The following KCTD15 variants were observed in gnomAD, a reference collection of about 807,000 sequenced individuals.
The protein encoded by KCTD15 is potassium channel tetramerization domain containing 15.
A neutral mutation model predicts 27.2 loss-of-function variants in KCTD15; 11 were observed. That is an observed-to-expected ratio of 0.41 (90% CI 0.25 to 0.67). The LOEUF is 0.67. KCTD15 is among the 30% of genes least tolerant of loss of function. The pLI, the probability that KCTD15 is intolerant of heterozygous loss-of-function variation, is 0.35. For missense variants in KCTD15, 350 were observed against 409.3 expected (o/e 0.86, Z 1.25); for synonymous variants, 163 against 176.0 (o/e 0.93, Z 0.58).
chr19:33,806,631 C>T (rs1344884513), intron 4 of KCTD15, among the ~76,000 whole-genome samples: 1 of 152,122 alleles, frequency 6.6e-6, no homozygotes, highest in Non-Finnish European at 1.5e-5. Context: ...GTGTCCCTCT[C>T]TGGCTGTGAC....
chr19:33,802,383 C>T (rs114008650), intron 4 of KCTD15, among the ~76,000 whole-genome samples: 293 of 152,268 alleles, frequency 1.9e-3, no homozygotes, highest in African/African-American at 6.9e-3. Flanking sequence ...GCATTGTCAC[C>T]GGTGTGGTTC....
chr19:33,800,661 A>G, intron 3 of KCTD15, 141 bp downstream of exon 3: 3 of 749,938 alleles, frequency 4.0e-6, no homozygotes, highest in South Asian at 1.8e-5. Context: ...TGTATTTTTG[A>G]AACAAAAATG....
rs1345028751 is a variant in KCTD15 at position 33,813,921 on chromosome 19, C to T, written c.*973C>T. 6.5e-6 allele frequency: 1 copy of T among 153,712 alleles called. No individual in the cohort carries two copies. Among genetic ancestry groups the T allele is most frequent in the Non-Finnish European group, 1.5e-5 (1 of 68,878 alleles). The allele number at this position is 153,712 out of a possible 1,614,324, so 9.5% of individuals were successfully genotyped here. On this transcript the variant is annotated 3_prime_UTR_variant, in exon 7 of 7. Transcript: ENST00000683859. ...CACTAGCCTGCCGATGAGACCCAGA[C>T]ACAGGCAGACCTGGCGCTCTTGACC...
intron 6 of KCTD15, chr19:33,811,881 G>A: frequency 6.3e-7 from 1 of 1,594,686 alleles, no homozygotes; most frequent in Non-Finnish European, 8.5e-7. Context: ...CTAAACCCAG[G>A]CAACAGGCGA....
At chr19:33,801,426 C>A in intron 4 of KCTD15, 84 bp downstream of exon 4, 1 of 1,215,016 alleles carries the variant, frequency 8.2e-7, no homozygotes, top group Non-Finnish European at 1.1e-6. Context: ...GGGGTCTCTC[C>A]CCACTGTCAC....
At chr19:33,802,403 G>A (rs1032836124) in intron 4 of KCTD15, among the ~76,000 whole-genome samples, 8 of 152,244 alleles carry the variant, frequency 5.3e-5, no homozygotes, top group Admixed American at 4.6e-4. Flanking sequence ...CCTCAGAGCA[G>A]GGAGGATGGT....
chr19:33,813,248 T>C lies in KCTD15; in HGVS notation c.*300T>C. On this transcript the variant is annotated 3_prime_UTR_variant, in exon 7 of 7. Coordinates refer to ENST00000683859, the MANE Select transcript of KCTD15 (RefSeq NM_001129994.2). ...GCATCCTCTGAGGCCCCGGGGCCTG[T>C]TGGGGCGGGGTTGGAAGAGCCGTCT... is the stretch of plus-strand genomic sequence containing the variant. 1.6e-6 allele frequency: 1 copy of C among 623,580 alleles called. No individual in the cohort carries two copies. Among genetic ancestry groups the C allele is most frequent in the Non-Finnish European group, 3.0e-6 (1 of 334,966 alleles). The allele number at this position is 623,580 out of a possible 1,614,324, so 38.6% of individuals were successfully genotyped here.
chr19:33,811,182 T>TC, intron 5 of KCTD15, 65 bp from the exon 6 acceptor site: 30 of 234,458 alleles, frequency 1.3e-4, no homozygotes, highest in South Asian at 3.0e-4. Flanking sequence ...CCGCCTCCCC[T>TC]CTCCCCCTTC....
chr19:33,811,264 C>T lies in KCTD15; in HGVS notation c.405C>T (p.Tyr135=), dbSNP rs1290415280. 7.3e-5 allele frequency: 108 copies of T among 1,476,652 alleles called. No homozygotes were observed. The East Asian group carries it at 9.1e-4, about 12-fold the overall frequency. 91.5% of individuals were successfully genotyped at this position (1,476,652 alleles called of 1,614,324 possible). ...PDDFKDFSLL[Y]EEARYYQLQP... is the part of the protein sequence containing the mutation. ...GTCCCCAGGACTTCAGTCTGCTGTA[C>T]GAGGAGGCGCGCTACTATCAGCTCC... The change falls in exon 6 of 7, where the codon TAC becomes TAT. Residue 135 remains tyrosine (Y), a synonymous_variant. Transcript: ENST00000683859.
intron 3 of KCTD15, 106 bp from the exon 4 acceptor site, chr19:33,801,061 A>T: frequency 1.9e-6 from 2 of 1,072,206 alleles, no homozygotes; most frequent in African/African-American, 1.6e-5. Context: ...TGATCTGATT[A>T]GATCTGTGAT....
At chr19:33,812,308 C>G in intron 6 of KCTD15, 1 of 1,015,250 alleles carries the variant, frequency 9.8e-7, no homozygotes, top group Non-Finnish European at 1.2e-6. Context: ...AGAGCTCCCA[C>G]GAGCTGATGC....
At chr19:33,811,815 G>A (rs370454352) in intron 6 of KCTD15, 1 of 1,604,050 alleles carries the variant, frequency 6.2e-7, no homozygotes, top group East Asian at 2.2e-5. Flanking sequence ...ATGGCCCAGA[G>A]TATTTTCAAC....
At chr19:33,807,082 G>C in intron 5 of KCTD15, 75 bp downstream of exon 5, 1 of 1,484,634 alleles carries the variant, frequency 6.7e-7, no homozygotes, top group South Asian at 1.3e-5. Flanking sequence ...GACTTAATAA[G>C]TGGACCCCTG....
intron 5 of KCTD15, among the ~76,000 whole-genome samples, chr19:33,808,057 C>T (rs1200290276): frequency 6.6e-6 from 1 of 152,260 alleles, no homozygotes; most frequent in Non-Finnish European, 1.5e-5. Context: ...CCGGGTGAGC[C>T]CGTCAGGGCA....
chr19:33,806,557 C>G (rs1285840013), intron 4 of KCTD15, among the ~76,000 whole-genome samples: 1 of 152,158 alleles, frequency 6.6e-6, no homozygotes, highest in South Asian at 2.1e-4. Context: ...GTGCCTGTGT[C>G]TTGCTATACC....
chr19:33,800,722 G>A (rs1305273468), intron 3 of KCTD15, among the ~76,000 whole-genome samples: 1 of 152,160 alleles, frequency 6.6e-6, no homozygotes, highest in Non-Finnish European at 1.5e-5. Flanking sequence ...AACGCCTTAG[G>A]TGCTGAGGAA....
At chr19:33,801,816 A>G (rs287103) in intron 4 of KCTD15, 100,963 of 152,920 alleles carry the variant, frequency 0.66, 34,186 homozygotes, top group African/African-American at 0.77. Flanking sequence ...AGGGGAGGGA[A>G]GAGGAGCTGT....
chr19:33,808,614 T>C (rs1283755279), intron 5 of KCTD15, among the ~76,000 whole-genome samples: 1 of 151,868 alleles, frequency 6.6e-6, no homozygotes, highest in African/African-American at 2.4e-5. Context: ...GTGCCTGGCA[T>C]TTAACTCTGA....
rs756917489 is a variant in KCTD15, at chr19:33,812,024, G to A, written c.693+472G>A. On this transcript the variant is annotated intron_variant, in intron 6 of 6. Coordinates refer to ENST00000683859, the MANE Select transcript of KCTD15 (RefSeq NM_001129994.2). ...TCTTCCTGGATGGGTCCAAGAATTG[G>A]ACAGCTCAGATGGAGTGAGGGCCTA... 3.5e-6 allele frequency: 5 copies of A among 1,442,708 alleles called. No individual in the cohort carries two copies. In the African/African-American group the frequency reaches 7.2e-5, roughly 21 times the overall value. 89.4% of individuals were successfully genotyped at this position (1,442,708 alleles called of 1,614,324 possible).
Sources: gnomAD v4.1 joint callset for allele counts (sites outside exome capture counted in the v4.1 genomes callset) on GRCh38, gnomAD v4.1.1 for gene constraint, MANE v1.5 for transcripts, NCBI Gene and HGNC (gene_info 2026-07-23, HGNC 2026-07-21) for gene names.